Variants in TNC observed in about 807,000 individuals in gnomAD.
The protein encoded by TNC is tenascin.
A neutral mutation model predicts 202.4 loss-of-function variants in TNC; 109 were observed. The observed-to-expected ratio is 0.54, with a 90% confidence interval of 0.46 to 0.63. TNC has a LOEUF of 0.63. TNC is among the 30% of genes least tolerant of loss of function. The probability of loss-of-function intolerance (pLI) is 0.00; values close to 1 mark genes in which losing one functional copy is unlikely to be tolerated. For synonymous variants in TNC, 1,007 were observed against 1,089.7 expected, an observed-to-expected ratio of 0.92 and a Z score of 1.50; for missense variants, 2,756 against 2,833.3, an observed-to-expected ratio of 0.97 and a Z score of 0.62.
At chr9:115,053,100 T>C (rs1245830228) in intron 15 of TNC, 1 of 643,220 alleles carries the variant, frequency 1.6e-6, no homozygotes, top group Admixed American at 2.2e-5. Flanking sequence ...CCATAGAACA[T>C]GAAAGCATCA....
chr9:115,090,837 C>T lies in TNC; in HGVS notation c.182G>A (p.Gly61Glu). Residue 61 changes from glycine to glutamate, a missense_variant, in exon 2 of 28, where the codon GGA (glycine) becomes GAA (glutamate). By Grantham distance (98) the Gly-to-Glu change is moderately conservative. Transcript: ENST00000350763. ...NHVYNIKLPV[G>E]SQCSVDLESA... ...CTCCAGATCCACCGAACACTGGGAT[C>T]CCACTGGCAGCTTGATGTTGTAAAC... 1 of 1,614,218 alleles carries T rather than the reference C, an allele frequency of 6.2e-7. No individual in the cohort carries two copies. The highest frequency in any genetic ancestry group is 1.1e-5 in the South Asian group (1 of 91,084).
chr9:115,029,465 A>G lies in TNC; in HGVS notation c.6073-9T>C, dbSNP rs759752005. The G allele has an allele frequency of 1.2e-5, 20 of 1,613,240 alleles. No homozygotes were observed. In the East Asian group the frequency reaches 2.7e-4, roughly 22 times the overall value. ...TTGCGTCTCAGGAACACCTATAAAC[A>G]TATCGATGAATCTGGGTGTACTTAA... On this transcript the variant is annotated splice_polypyrimidine_tract_variant and intron_variant, in intron 24 of 27. Coordinates refer to ENST00000350763, the MANE Select transcript of TNC (RefSeq NM_002160.4).
chr9:115,117,335 T>C lies in TNC; in HGVS notation c.-137+647A>G, dbSNP rs1588265307. Among the ~76,000 whole-genome samples, 6 of 152,250 alleles carry C rather than the reference T, an allele frequency of 3.9e-5. No homozygotes were observed. The South Asian group carries it at 1.2e-3, about 32-fold the overall frequency. On this transcript the variant is annotated intron_variant, in intron 1 of 27. Transcript: ENST00000350763. ...AGGAGGAGGTGATTCTAGAGACATG[T>C]GGGACGCTGCTGGCTCTAGGCACCC...
Position 115,030,381 on chromosome 9 carries a change from T to C in TNC, c.5945A>G (p.Lys1982Arg). 1 of 1,613,834 alleles carries C rather than the reference T, an allele frequency of 6.2e-7. No individual in the cohort carries two copies. Among genetic ancestry groups the C allele is most frequent in the Non-Finnish European group, 8.5e-7 (1 of 1,179,810 alleles). The change falls in exon 24 of 28, where the codon AAG (lysine) becomes AGG (arginine). Residue 1982 changes from lysine to arginine, a missense_variant. Lys to Arg is a conservative substitution (Grantham distance 26, BLOSUM62 2). Transcript: ENST00000350763. ...TTIGLLYPFPKDCSQAMLNGD... is the reference protein window; with the variant it reads ...TTIGLLYPFPRDCSQAMLNGD... ...ATTCAGCATTGCTTGGGAGCAGTCCTTGGGGAAGGGGTACAGGAGTCCAAC... is the reference window on the plus strand; with the variant it reads ...ATTCAGCATTGCTTGGGAGCAGTCCCTGGGGAAGGGGTACAGGAGTCCAAC...
intron 26 of TNC, among the ~76,000 whole-genome samples, chr9:115,025,441 G>C (rs1829402744): frequency 6.6e-6 from 1 of 151,888 alleles, no homozygotes; most frequent in Non-Finnish European, 1.5e-5. Flanking sequence ...TTCTTTCAGG[G>C]CTCAGGGAGG....
At chr9:115,023,897 GA>G (rs1468964882) in intron 27 of TNC, 75 bp downstream of exon 27, 12 of 1,501,486 alleles carry the variant, frequency 8.0e-6, no homozygotes, top group Admixed American at 1.8e-5. Context: ...CTAGGATAGG[GA>G]GTTAAATTGT....
rs1834823655 is a variant in TNC at position 115,087,122 on chromosome 9, C to T, written c.609G>A (p.Gly203=). The change falls in exon 3 of 28, where the codon GGG becomes GGA. Residue 203 remains glycine (G), a synonymous_variant. Transcript: ENST00000350763. ...TGAAGCCGTCGTCACAGATGCACTG[C>T]CCATCAATGCACCGGCCTCGAAGGT... The part of the protein sequence containing the change: ...NCHLRGRCID[G]QCICDDGFTG... 1.9e-6 allele frequency: 3 copies of T among 1,614,114 alleles called. No homozygotes were observed. The highest frequency in any genetic ancestry group is 3.3e-5 in the Admixed American group (2 of 60,012).
In TNC at chr9:115,021,283, AAGAGAGAG is replaced by A. The variant is rs766737426; in HGVS notation, c.6496-24_6496-17del. ...AGTTAACGCCCTGTTAAAAAAAAAAAAGAGAGAGAGAGAGAGAGAGAGAAGGCCTCCAG... is the reference window on the plus strand; with the variant it reads ...AGTTAACGCCCTGTTAAAAAAAAAAAAGAGAGAGAGAGAGAAGGCCTCCAG... On this transcript the variant is annotated splice_polypyrimidine_tract_variant and intron_variant, in intron 27 of 27. Coordinates refer to ENST00000350763, the MANE Select transcript of TNC (RefSeq NM_002160.4). 50 of 1,102,214 alleles carry A rather than the reference AAGAGAGAG, an allele frequency of 4.5e-5. No homozygotes were observed. Among genetic ancestry groups the A allele is most frequent in the African/African-American group, 4.1e-4 (26 of 64,046 alleles). 68.3% of individuals were successfully genotyped at this position (1,102,214 alleles called of 1,614,324 possible).
intron 23 of TNC, among the ~76,000 whole-genome samples, chr9:115,031,114 GAGAA>G (rs1469389284): frequency 6.6e-6 from 1 of 152,294 alleles, no homozygotes; most frequent in East Asian, 1.9e-4. Flanking sequence ...CATGATGAAG[GAGAA>G]AGAAAGAGAC....
At chr9:115,071,297 A>T (rs765459187) in intron 10 of TNC, among the ~76,000 whole-genome samples, 9 of 152,244 alleles carry the variant, frequency 5.9e-5, no homozygotes, top group African/African-American at 9.6e-5. Context: ...AGTGGAGAAG[A>T]ACCAATAAAA....
chr9:115,035,843 C>T, intron 21 of TNC: 2 of 442,954 alleles, frequency 4.5e-6, no homozygotes, highest in Admixed American at 3.7e-5. Flanking sequence ...AACTGTTTTT[C>T]CACTTACAAA....
intron 14 of TNC, among the ~76,000 whole-genome samples, chr9:115,059,023 C>G (rs748769391): frequency 4.6e-5 from 7 of 152,236 alleles, no homozygotes; most frequent in Non-Finnish European, 8.8e-5. Context: ...CTTTGACATT[C>G]ATAGCCCAGG....
At chr9:115,081,355 G>T (rs1009016294) in intron 6 of TNC, among the ~76,000 whole-genome samples, 4 of 152,146 alleles carry the variant, frequency 2.6e-5, no homozygotes, top group African/African-American at 9.7e-5. Flanking sequence ...AGATGGATCT[G>T]TTTCTCTATT....
chr9:115,061,897 A>G (rs1214714333), intron 13 of TNC, among the ~76,000 whole-genome samples: 2 of 152,230 alleles, frequency 1.3e-5, no homozygotes, highest in Admixed American at 6.5e-5. Context: ...AAAGCATTGA[A>G]GTCAAAGGTG....
At chr9:115,064,531 C>T in intron 11 of TNC, 116 bp downstream of exon 11, 39 of 1,308,352 alleles carry the variant, frequency 3.0e-5, no homozygotes, top group Non-Finnish European at 3.6e-5. Flanking sequence ...CAATTAGACC[C>T]CATAGACATA....
At chr9:115,111,409 T>C (rs908190086) in intron 1 of TNC, among the ~76,000 whole-genome samples, 9 of 130,646 alleles carry the variant, frequency 6.9e-5, no homozygotes, top group East Asian at 2.2e-4. Context: ...CTTTTTTTTT[T>C]TTTTTTTTTT....
chr9:115,041,305 G>GC (rs1554794026), intron 18 of TNC, among the ~76,000 whole-genome samples: 28 of 106,162 alleles, frequency 2.6e-4, no homozygotes, highest in South Asian at 8.5e-4. Context: ...AAAGCCAGGA[G>GC]GGGCGGGGGA....
chr9:115,098,076 A>G (rs1247181264), intron 1 of TNC, among the ~76,000 whole-genome samples: 1 of 152,196 alleles, frequency 6.6e-6, no homozygotes, highest in Non-Finnish European at 1.5e-5. Context: ...ATAAGAAGAT[A>G]AAAACAATGG....
chr9:115,091,405 T>C (rs770044539), intron 1 of TNC, among the ~76,000 whole-genome samples: 7 of 152,220 alleles, frequency 4.6e-5, no homozygotes, highest in Admixed American at 1.3e-4. Flanking sequence ...AGGTAAAATA[T>C]TGAAATAAAA....
Sources: gnomAD v4.1 joint callset for allele counts (sites outside exome capture counted in the v4.1 genomes callset) on GRCh38, gnomAD v4.1.1 for gene constraint, MANE v1.5 for transcripts, NCBI Gene and HGNC (gene_info 2026-07-23, HGNC 2026-07-21) for gene names.